CCDC91: variants seen among roughly 807,000 people sequenced by gnomAD.
CCDC91 encodes coiled-coil domain containing 91, also known as coiled-coil domain-containing protein 91.
CCDC91 carries 48 observed loss-of-function variants against 63.2 expected under a neutral mutation model. That is an observed-to-expected ratio of 0.76 (90% confidence interval 0.60 to 0.97). The LOEUF is 0.97. CCDC91 is among the 50% of genes least tolerant of loss of function. CCDC91 has a pLI of 0.00. For missense variants in CCDC91, 500 were observed against 494.6 expected, an observed-to-expected ratio of 1.01 and a Z score of -0.10; for synonymous variants, 167 against 165.8, an observed-to-expected ratio of 1.01 and a Z score of -0.06.
chr12:28,500,141 T>C (rs534716551), intron 12 of CCDC91, among the ~76,000 whole-genome samples: 1 of 152,122 alleles, frequency 6.6e-6, no homozygotes, highest in Admixed American at 6.6e-5. Flanking sequence ...CATAAATGTC[T>C]TCTTTTGAGA....
intron 1 of CCDC91, among the ~76,000 whole-genome samples, chr12:28,240,869 C>T (rs1168573591): frequency 6.6e-6 from 1 of 152,048 alleles, no homozygotes; most frequent in East Asian, 1.9e-4. Context: ...TTTCATTTTC[C>T]TGGGATAAAT....
intron 3 of CCDC91, among the ~76,000 whole-genome samples, chr12:28,299,843 A>T (rs1322695060): frequency 6.6e-6 from 1 of 151,132 alleles, no homozygotes; most frequent in Non-Finnish European, 1.5e-5. Context: ...TATTCCCTCA[A>T]CCTTTTTTTC....
chr12:28,200,153 T>A (rs1235521351), intron 1 of CCDC91, among the ~76,000 whole-genome samples: 1 of 152,050 alleles, frequency 6.6e-6, no homozygotes, highest in Admixed American at 6.5e-5. Context: ...ATTCTGTTCC[T>A]TAGCCTGGAT....
intron 8 of CCDC91, among the ~76,000 whole-genome samples, chr12:28,431,917 A>G (rs1001783372): frequency 2.0e-5 from 3 of 151,864 alleles, no homozygotes; most frequent in Non-Finnish European, 4.4e-5. Flanking sequence ...AATCCCTGAC[A>G]CTGATCTTTT....
At chr12:28,428,304 C>T (rs763924199) in intron 8 of CCDC91, among the ~76,000 whole-genome samples, 1 of 152,002 alleles carries the variant, frequency 6.6e-6, no homozygotes, top group Non-Finnish European at 1.5e-5. Context: ...CGCGTAGTGG[C>T]TCATGCCTGT....
At chr12:28,289,015 G>A (rs1243420046) in intron 3 of CCDC91, among the ~76,000 whole-genome samples, 1 of 152,078 alleles carries the variant, frequency 6.6e-6, no homozygotes, top group Admixed American at 6.5e-5. Flanking sequence ...ATTCCTGTGT[G>A]GTCAGTGATA....
At chr12:28,275,334 A>G (rs1948128619) in intron 3 of CCDC91, among the ~76,000 whole-genome samples, 1 of 152,276 alleles carries the variant, frequency 6.6e-6, no homozygotes, top group African/African-American at 2.4e-5. Flanking sequence ...AGAGAATACT[A>G]TAAAACACCT....
intron 6 of CCDC91, among the ~76,000 whole-genome samples, chr12:28,310,778 G>A (rs1467071966): frequency 1.3e-5 from 2 of 151,724 alleles, no homozygotes; most frequent in Non-Finnish European, 2.9e-5. Context: ...ATTTCCATTT[G>A]GTTCTCCTTC....
In CCDC91 at chr12:28,209,700, G is replaced by A. The variant is rs117059314; in HGVS notation, c.-15+19059G>A. Among the ~76,000 whole-genome samples, 368 of 152,284 alleles carry A rather than the reference G, an allele frequency of 2.4e-3. 8 individuals carry two copies. The East Asian group carries it at 0.049, about 20-fold the overall frequency. Reference sequence around the variant, plus strand: ...CCTGCCTCAGCCTCCCAAAGTGCTAGGATTATAGATGTGAGTTGCTACACC... The same window carrying A: ...CCTGCCTCAGCCTCCCAAAGTGCTAAGATTATAGATGTGAGTTGCTACACC... On this transcript the variant is annotated intron_variant, in intron 1 of 12. Transcript: ENST00000536442.
chr12:28,533,253 C>T (rs777352032), intron 12 of CCDC91, among the ~76,000 whole-genome samples: 1 of 152,022 alleles, frequency 6.6e-6, no homozygotes, highest in Non-Finnish European at 1.5e-5. Context: ...AAAATATTTT[C>T]ATTGAATCTC....
At chr12:28,410,615 G>C (rs932035893) in intron 8 of CCDC91, among the ~76,000 whole-genome samples, 8 of 152,118 alleles carry the variant, frequency 5.3e-5, no homozygotes, top group Admixed American at 2.6e-4. Context: ...TCTGTCTCTT[G>C]GGCTCAAGCA....
chr12:28,330,525 A>G (rs1941413553), intron 6 of CCDC91, among the ~76,000 whole-genome samples: 3 of 151,162 alleles, frequency 2.0e-5, no homozygotes, highest in Admixed American at 1.3e-4. Context: ...TGTTTGTCAG[A>G]TGGGTAGATT....
At chr12:28,308,148 C>T (rs1253724206) in intron 6 of CCDC91, among the ~76,000 whole-genome samples, 3 of 151,748 alleles carry the variant, frequency 2.0e-5, no homozygotes, top group Admixed American at 1.3e-4. Context: ...TTTATTTCTT[C>T]TACAGTCTAA....
At chr12:28,376,588 A>C (rs1377148371) in intron 7 of CCDC91, among the ~76,000 whole-genome samples, 1 of 151,870 alleles carries the variant, frequency 6.6e-6, no homozygotes, top group Non-Finnish European at 1.5e-5. Context: ...CTATCAAAGA[A>C]AGTCATACAT....
Position 28,450,414 on chromosome 12 carries a change from C to A in CCDC91, c.920C>A (p.Ala307Glu). ...AATAAAGAGGCATTAGTATCCGCTGCAAAGGTATTTCCATCTGTAATAGTG... is the reference window on the plus strand; with the variant it reads ...AATAAAGAGGCATTAGTATCCGCTGAAAAGGTATTTCCATCTGTAATAGTG... The part of the protein sequence containing the change: ...QRNKEALVSA[A>E]KLEKEAVKDA... Residue 307 changes from alanine to glutamate, a missense_variant, in exon 10 of 13, where the codon GCA (alanine) becomes GAA (glutamate). Ala to Glu is a moderately radical substitution (Grantham distance 107). Coordinates refer to ENST00000536442, the MANE Select transcript of CCDC91 (RefSeq NM_018318.5). The A allele has an allele frequency of 6.2e-7, 1 of 1,609,650 alleles. No individual in the cohort carries two copies. The highest frequency in any genetic ancestry group is 8.5e-7 in the Non-Finnish European group (1 of 1,176,448).
intron 6 of CCDC91, among the ~76,000 whole-genome samples, chr12:28,345,862 G>C (rs1406723988): frequency 6.6e-6 from 1 of 152,004 alleles, no homozygotes; most frequent in Non-Finnish European, 1.5e-5. Flanking sequence ...AATTTGACTA[G>C]ATCAGTATTC....
intron 12 of CCDC91, among the ~76,000 whole-genome samples, chr12:28,522,871 T>G (rs1184509960): frequency 6.6e-6 from 1 of 152,206 alleles, no homozygotes. Flanking sequence ...AGTTTCCATG[T>G]AGTTGAGTGG....
chr12:28,220,431 C>T (rs1039058831), intron 1 of CCDC91, among the ~76,000 whole-genome samples: 4 of 151,990 alleles, frequency 2.6e-5, no homozygotes, highest in Non-Finnish European at 5.9e-5. Context: ...TTTACTTCTA[C>T]ATATTCTATA....
intron 2 of CCDC91, among the ~76,000 whole-genome samples, chr12:28,258,042 T>C (rs889526056): frequency 6.6e-6 from 1 of 151,888 alleles, no homozygotes; most frequent in Admixed American, 6.6e-5. Context: ...AGATGTTAAG[T>C]ATATATTCAG....
Sources: gnomAD v4.1 joint callset for allele counts (sites outside exome capture counted in the v4.1 genomes callset) on GRCh38, gnomAD v4.1.1 for gene constraint, MANE v1.5 for transcripts, NCBI Gene and HGNC (gene_info 2026-07-23, HGNC 2026-07-21) for gene names.